The following KMT2D variants were observed in gnomAD, a reference collection of about 807,000 sequenced individuals.
KMT2D encodes the protein histone-lysine N-methyltransferase 2D.
Under a neutral mutation model 512.7 loss-of-function variants are expected in KMT2D, and 55 were observed. That is an observed-to-expected ratio of 0.11 (90% CI 0.09 to 0.13). The LOEUF (loss-of-function observed/expected upper bound fraction) is 0.13. Among genes scored for constraint, KMT2D ranks in the 10% least tolerant of loss-of-function variants. The pLI is 1.00. For missense variants in KMT2D, 6,061 were observed against 7,127.9 expected (o/e 0.85, Z 5.39); for synonymous variants, 2,995 against 2,904.0 (o/e 1.03, Z -1.01).
Position 49,022,270 on chromosome 12 carries a change from C to T in KMT2D, c.16412+10G>A, listed in dbSNP as rs2137704732. 1 of 1,604,150 alleles carries T rather than the reference C, an allele frequency of 6.2e-7. No homozygotes were observed. The highest frequency in any genetic ancestry group is 8.5e-7 in the Non-Finnish European group (1 of 1,171,604). On this transcript the variant is annotated intron_variant, in intron 53 of 54. Coordinates refer to ENST00000301067, the MANE Select transcript of KMT2D (RefSeq NM_003482.4). This position sits in a 1 kb window ranked among gnomAD's most constrained non-coding sequence, Gnocchi z 8.6. ...GACCACTAAATCCCTCCTTCCTCGT[C>T]ATCTCTCACCTGGCAGGGCCGCCGG... is the stretch of plus-strand genomic sequence containing the variant.
rs1183236096 is a variant in KMT2D at position 49,050,385 on chromosome 12, G to A, written c.3203C>T (p.Ala1068Val). Reference protein sequence around the residue: ...IGKVVGVSDEAELHEMETEKV... With the variant: ...IGKVVGVSDEVELHEMETEKV... ...CTCAGTCTCCATCTCGTGCAGCTCA[G>A]CCTCATCTGAGACCCCCACTACCTT... is the stretch of plus-strand genomic sequence containing the variant. The change falls in exon 12 of 55, where the codon GCT (alanine) becomes GTT (valine). Residue 1068 changes from alanine to valine, a missense_variant. Physicochemically the swap from Ala to Val is moderately conservative, Grantham distance 64 (BLOSUM62 0). This residue lies in a region of KMT2D where 447 missense variants were observed against 500.1 expected (regional missense o/e 0.89). Coordinates refer to ENST00000301067, the MANE Select transcript of KMT2D (RefSeq NM_003482.4). 1 of 1,613,174 alleles carries A rather than the reference G, an allele frequency of 6.2e-7. No individual in the cohort carries two copies. The highest frequency in any genetic ancestry group is 8.5e-7 in the Non-Finnish European group (1 of 1,179,574).
rs1002386392 is a variant in KMT2D, at chr12:49,033,208, G to A, written c.11497C>T (p.Arg3833Trp). 4.5e-6 allele frequency: 7 copies of A among 1,550,918 alleles called. No individual in the cohort carries two copies. Among genetic ancestry groups the A allele is most frequent in the East Asian group, 4.9e-5 (2 of 40,926 alleles). ...PHRQVLMTQS[R>W]VLSSPQLAQQ... The stretch of plus-strand genomic sequence containing the variant: ...GCCAGCTGGGGGGAACTGAGCACCC[G>A]GGACTGGGTCATAAGCACCTGTCTG... The change falls in exon 40 of 55, where the codon CGG (arginine) becomes TGG (tryptophan). Residue 3833 changes from arginine to tryptophan, a missense_variant. Transcript: ENST00000301067.
intron 49 of KMT2D, among the ~76,000 whole-genome samples, chr12:49,025,219 G>A (rs1942514442): frequency 6.6e-6 from 1 of 152,232 alleles, no homozygotes; most frequent in African/African-American, 2.4e-5. Flanking sequence ...CCTAGTGAAA[G>A]AGCAGGCATG....
rs751562463 is a variant in KMT2D, at chr12:49,050,501, C to T, written c.3087G>A (p.Gln1029=). The T allele has an allele frequency of 2.5e-6, 4 of 1,612,560 alleles. No homozygotes were observed. The South Asian group carries it at 3.3e-5, about 13-fold the overall frequency. ...GGGAGTTTTGGGGAACCAGGGAATG[C>T]TGAAGGAGTGGCGAACACTGAGGAG... The part of the protein sequence containing the change: ...PLPPQCSPLL[Q]HSLVPQNSPP... The change falls in exon 12 of 55, where the codon CAG becomes CAA. Residue 1029 remains glutamine (Q), a synonymous_variant. Coordinates refer to ENST00000301067, the MANE Select transcript of KMT2D (RefSeq NM_003482.4).
chr12:49,041,350 G>A lies in KMT2D; in HGVS notation c.6420C>T (p.Asp2140=), dbSNP rs753607063. 4.0e-5 allele frequency: 62 copies of A among 1,569,472 alleles called. No individual in the cohort carries two copies. The highest frequency in any genetic ancestry group is 2.0e-4 in the South Asian group (17 of 83,738). Residue 2140 remains aspartate (D), a synonymous_variant, in exon 32 of 55, where the codon GAC becomes GAT. Coordinates refer to ENST00000301067, the MANE Select transcript of KMT2D (RefSeq NM_003482.4). The surrounding 1 kb of genome is among the most constrained non-coding windows in gnomAD (Gnocchi z 5.4). The stretch of plus-strand genomic sequence containing the variant: ...AGCCCGCCGGCGGCTTCAGGAACCC[G>A]TCCGCAGAGGTAGACAAGCCGGCGG... ...TTPAGLSTSA[D]GFLKPPAGSV...
Position 49,051,079 on chromosome 12 carries a change from A to C in KMT2D, c.2604T>G (p.Pro868=). The change falls in exon 11 of 55, where the codon CCT becomes CCG. Residue 868 remains proline, a synonymous_variant. Coordinates refer to ENST00000301067, the MANE Select transcript of KMT2D (RefSeq NM_003482.4). ...PPLSPRPEKP[P]EEPGQCPAPE... ...GTGCAGGGCATTGGCCTGGCTCCTC[A>C]GGGGGCTTTTCAGGCCGAGGGGACA... 1.3e-6 allele frequency: 2 copies of C among 1,524,542 alleles called. No individual in the cohort carries two copies. Among genetic ancestry groups the C allele is most frequent in the Non-Finnish European group, 1.8e-6 (2 of 1,138,388 alleles). The allele number at this position is 1,524,542 out of a possible 1,614,324, so 94.4% of individuals were successfully genotyped here.
chr12:49,037,628 C>G lies in KMT2D; in HGVS notation c.9728G>C (p.Ser3243Thr), dbSNP rs1943285309. 3.2e-6 allele frequency: 5 copies of G among 1,565,880 alleles called. No individual in the cohort carries two copies. The highest frequency in any genetic ancestry group is 3.5e-6 in the Non-Finnish European group (4 of 1,154,986). ...GTCCTCAATGAGCAGGGGTAACTCG[C>G]TGGCTACCAGTGAGCTCTCCATCTT... ...LDKMESSLVA[S>T]ELPLLIEDLL... Residue 3243 changes from serine (S) to threonine (T), a missense_variant, in exon 35 of 55, where the codon AGC (serine) becomes ACC (threonine). Ser to Thr is a moderately conservative substitution (Grantham distance 58). Around this residue, in one of 16 missense-constraint regions of KMT2D, gnomAD observed 533 missense variants for 539.6 expected, o/e 0.99. Coordinates refer to ENST00000301067, the MANE Select transcript of KMT2D (RefSeq NM_003482.4).
Position 49,033,282 on chromosome 12 carries a change from G to A in KMT2D, c.11423C>T (p.Ala3808Val), listed in dbSNP as rs2120441425. Residue 3808 changes from alanine to valine, a missense_variant, in exon 40 of 55, where the codon GCT becomes GTT. Around this residue, in one of 16 missense-constraint regions of KMT2D, gnomAD observed 1,600 missense variants for 1,754.9 expected, o/e 0.91. Coordinates refer to ENST00000301067, the MANE Select transcript of KMT2D (RefSeq NM_003482.4). ...PQGMLGPAQV[A>V]VLQQQHPGAL... ...TCCAGGGTGCTGCTGCTGCAACACA[G>A]CCACCTGGGCAGGGCCCAGCATGCC... The A allele has an allele frequency of 6.3e-7, 1 of 1,574,858 alleles. No homozygotes were observed.
In KMT2D at chr12:49,022,383, A is replaced by C; in HGVS notation, c.16339-30T>G. The stretch of plus-strand genomic sequence containing the variant: ...AAAGGCAGAGGTTGCAGAAGAAGGG[A>C]CAAGAGTATCAGAGAGTGGCAGTGG... On this transcript the variant is annotated intron_variant, in intron 52 of 54. Coordinates refer to ENST00000301067, the MANE Select transcript of KMT2D (RefSeq NM_003482.4). This position sits in a 1 kb window ranked among gnomAD's most constrained non-coding sequence, Gnocchi z 8.6. The C allele has an allele frequency of 6.3e-7, 1 of 1,592,332 alleles. No homozygotes were observed. Among genetic ancestry groups the C allele is most frequent in the Non-Finnish European group, 8.6e-7 (1 of 1,168,318 alleles).
Position 49,032,232 on chromosome 12 carries a change from G to T in KMT2D, c.12473C>A (p.Pro4158His), listed in dbSNP as rs1942956842. The T allele has an allele frequency of 6.2e-7, 1 of 1,613,704 alleles. No individual in the cohort carries two copies. Among genetic ancestry groups the T allele is most frequent in the African/African-American group, 1.3e-5 (1 of 74,938 alleles). The change falls in exon 40 of 55, where the codon CCC (proline) becomes CAC (histidine). Residue 4158 changes from proline (P) to histidine (H), a missense_variant. This residue lies in a region of KMT2D where 1,600 missense variants were observed against 1,754.9 expected (regional missense o/e 0.91). Transcript: ENST00000301067. The part of the protein sequence containing the change: ...MTQNLLGPQQ[P>H]MLERPMQNNT... ...ATTTTGCATGGGCCGCTCTAGCATG[G>T]GCTGTTGGGGGCCCAGAAGGTTCTG...
In KMT2D at chr12:49,031,429, G is replaced by C. The variant is rs1409588363; in HGVS notation, c.13276C>G (p.Leu4426Val). Residue 4426 changes from leucine to valine, a missense_variant, in exon 40 of 55, where the codon CTG becomes GTG. This residue lies in a region of KMT2D where 1,600 missense variants were observed against 1,754.9 expected (regional missense o/e 0.91). Coordinates refer to ENST00000301067, the MANE Select transcript of KMT2D (RefSeq NM_003482.4). ...TCCCTCTTCACTGACTGGGCTCCCA[G>C]GGCACATGGCTCTTCCCGAGGTTCC... ...KQEPREEPCALGAQSVKREAN... is the reference protein window; with the variant it reads ...KQEPREEPCAVGAQSVKREAN... 6.2e-7 allele frequency: 1 copy of C among 1,613,712 alleles called. No homozygotes were observed. The highest frequency in any genetic ancestry group is 1.1e-5 in the South Asian group (1 of 91,070).
Position 49,052,372 on chromosome 12 carries a change from C to A in KMT2D, c.1311G>T (p.Glu437Asp), listed in dbSNP as rs1414201568. 20 of 1,543,436 alleles carry A rather than the reference C, an allele frequency of 1.3e-5. No individual in the cohort carries two copies. In the East Asian group the frequency reaches 4.5e-4, roughly 35 times the overall value. Residue 437 changes from glutamate (E) to aspartate (D), a missense_variant, in exon 11 of 55, where the codon GAG becomes GAT. Transcript: ENST00000301067. ...EPQLEAPLNE[E>D]MPLLPPPEES... ...CCTCAGGTGGGGGCAGCAGTGGCATCTCCTCGTTTAGGGGGGCCTCCAACT... is the reference window on the plus strand; with the variant it reads ...CCTCAGGTGGGGGCAGCAGTGGCATATCCTCGTTTAGGGGGGCCTCCAACT...
At position 49,040,491 on chromosome 12, in the gene KMT2D, G is replaced by A. The variant is rs2120529821; in HGVS notation, c.7279C>T (p.Pro2427Ser). The A allele has an allele frequency of 1.3e-6, 2 of 1,579,878 alleles. No individual in the cohort carries two copies. The highest frequency in any genetic ancestry group is 1.7e-6 in the Non-Finnish European group (2 of 1,161,058). Reference sequence around the variant, plus strand: ...AAAGCTTCAGCAGACAGAGGCCGGGGTGTCAGTGGAGACTGGGAGCTGGAC... The same window carrying A: ...AAAGCTTCAGCAGACAGAGGCCGGGATGTCAGTGGAGACTGGGAGCTGGAC... ...SQSSSQSPLTPRPLSAEAFCP... is the reference protein window; with the variant it reads ...SQSSSQSPLTSRPLSAEAFCP... Residue 2427 changes from proline to serine, a missense_variant, in exon 32 of 55, where the codon CCC becomes TCC. Pro to Ser is a moderately conservative substitution (Grantham distance 74, BLOSUM62 -1). Coordinates refer to ENST00000301067, the MANE Select transcript of KMT2D (RefSeq NM_003482.4).
chr12:49,060,137 G>A lies in KMT2D; in HGVS notation c.-562C>T, dbSNP rs970537855. On this transcript the variant is annotated 5_prime_UTR_variant, in exon 1 of 55. Transcript: ENST00000301067. ...CCTCTCCCCGCCCCGGCCGGCGCCC[G>A]GGGCCGCGCGAGCTACGGCGACGCG... 4.0e-5 allele frequency among the ~76,000 whole-genome samples: 6 copies of A among 151,230 alleles called. No individual in the cohort carries two copies. Among genetic ancestry groups the A allele is most frequent in the African/African-American group, 1.2e-4 (5 of 41,226 alleles).
rs1942393936 is a variant in KMT2D at position 49,022,889 on chromosome 12, T to G, written c.16053-14A>C. ...AGGGTATGGGGCCTGGGAGGTGATA[T>G]AATCCATGACAAGACAGCTCTCCCT... On this transcript the variant is annotated splice_polypyrimidine_tract_variant and intron_variant, in intron 51 of 54. Coordinates refer to ENST00000301067, the MANE Select transcript of KMT2D (RefSeq NM_003482.4). This position sits in a 1 kb window ranked among gnomAD's most constrained non-coding sequence, Gnocchi z 8.6. 1 of 1,569,272 alleles carries G rather than the reference T, an allele frequency of 6.4e-7. No individual in the cohort carries two copies. Among genetic ancestry groups the G allele is most frequent in the African/African-American group, 1.3e-5 (1 of 74,088 alleles).
Position 49,054,810 on chromosome 12 carries a change from T to C in KMT2D, c.177-59A>G. The stretch of plus-strand genomic sequence containing the variant: ...CCCCCAGCAACCCCATGATCTGGCA[T>C]GCCCATGCTTCCCCAACACTCATTT... On this transcript the variant is annotated intron_variant, in intron 3 of 54. Coordinates refer to ENST00000301067, the MANE Select transcript of KMT2D (RefSeq NM_003482.4). The surrounding 1 kb of genome is among the most constrained non-coding windows in gnomAD (Gnocchi z 6.4). 2 of 1,605,450 alleles carry C rather than the reference T, an allele frequency of 1.2e-6. No homozygotes were observed. The highest frequency in any genetic ancestry group is 1.7e-6 in the Non-Finnish European group (2 of 1,173,098).
Position 49,033,538 on chromosome 12 carries a change from G to C in KMT2D, c.11167C>G (p.Leu3723Val). 5 of 1,613,648 alleles carry C rather than the reference G, an allele frequency of 3.1e-6. No homozygotes were observed. Among genetic ancestry groups the C allele is most frequent in the Non-Finnish European group, 4.2e-6 (5 of 1,179,858 alleles). Residue 3723 changes from leucine (L) to valine (V), a missense_variant, in exon 40 of 55, where the codon CTG becomes GTG. Coordinates refer to ENST00000301067, the MANE Select transcript of KMT2D (RefSeq NM_003482.4). ...GCCAGCTGCATACGTTGCTGCTGCA[G>C]CTGCAGCTGCCTTTCCTGTAAAAGC... ...SRLLQERQLQ[L>V]QQQRMQLAQK... is the part of the protein sequence containing the mutation.
rs978836905 is a variant in KMT2D, at chr12:49,022,943, C to G, written c.16053-68G>C. ...ACCAAGTACATACCACCCACCTCCT[C>G]TGCCACCTCCTGGGATGTGCAACAC... On this transcript the variant is annotated intron_variant, in intron 51 of 54. Transcript: ENST00000301067. The surrounding 1 kb of genome is among the most constrained non-coding windows in gnomAD (Gnocchi z 8.6). The G allele has an allele frequency of 6.9e-7, 1 of 1,445,874 alleles. No individual in the cohort carries two copies. The highest frequency in any genetic ancestry group is 1.4e-5 in the African/African-American group (1 of 70,646). The allele number at this position is 1,445,874 out of a possible 1,614,324, so 89.6% of individuals were successfully genotyped here.
intron 19 of KMT2D, 116 bp from the exon 20 acceptor site, chr12:49,045,081 G>A: frequency 2.0e-6 from 2 of 980,816 alleles, no homozygotes; most frequent in Admixed American, 2.1e-5. Context: ...GTCCAGCTTA[G>A]GGTCTAAATG....
Sources: gnomAD v4.1 joint callset for allele counts (sites outside exome capture counted in the v4.1 genomes callset) on GRCh38, gnomAD v4.1.1 for gene constraint, gnomAD v4.1.1 regional missense constraint, Gnocchi (gnomAD v3.1) non-coding constraint, MANE v1.5 for transcripts, NCBI Gene and HGNC (gene_info 2026-07-23, HGNC 2026-07-21) for gene names.